The following NRXN1 variants were observed in gnomAD, a reference collection of about 807,000 sequenced individuals.
The protein encoded by NRXN1 is neurexin 1, also known as neurexin-1.
In NRXN1, 39 loss-of-function variants were observed where a neutral mutation model predicts 150.9. That is an observed-to-expected ratio of 0.26 (90% CI 0.20 to 0.34). The LOEUF is 0.34. Among genes scored for constraint, NRXN1 ranks in the 10% least tolerant of loss-of-function variants. The pLI is 1.00. For missense variants in NRXN1, 1,815 were observed against 1,949.9 expected, an observed-to-expected ratio of 0.93 and a Z score of 1.30; for synonymous variants, 924 against 757.0, an observed-to-expected ratio of 1.22 and a Z score of -3.62.
chr2:50,983,772 G>T (rs1457203026), intron 2 of NRXN1, among the ~76,000 whole-genome samples: 1 of 152,054 alleles, frequency 6.6e-6, no homozygotes, highest in Admixed American at 6.6e-5. Context: ...GATGGATCTT[G>T]TCTATGTAAA....
At chr2:50,106,751 C>A (rs78067411) in intron 18 of NRXN1, among the ~76,000 whole-genome samples, 2,050 of 151,778 alleles carry the variant, frequency 0.014, 58 homozygotes, top group African/African-American at 0.047. Flanking sequence ...GCAAAAAAAA[C>A]CCTAAAAGAA....
At chr2:49,947,353 C>T (rs1477498982) in intron 21 of NRXN1, among the ~76,000 whole-genome samples, 1 of 151,958 alleles carries the variant, frequency 6.6e-6, no homozygotes, top group Non-Finnish European at 1.5e-5. Flanking sequence ...CCACCTTTTC[C>T]TTCCTCCACC....
chr2:50,196,479 A>C (rs2152828589), intron 18 of NRXN1, among the ~76,000 whole-genome samples: 1 of 152,208 alleles, frequency 6.6e-6, no homozygotes, highest in African/African-American at 2.4e-5. Context: ...TTCCACACGA[A>C]ATGATTTCCC....
At chr2:50,194,956 C>T (rs1386198667) in intron 18 of NRXN1, among the ~76,000 whole-genome samples, 3 of 151,954 alleles carry the variant, frequency 2.0e-5, no homozygotes, top group Non-Finnish European at 4.4e-5. Context: ...AAAACTTCAC[C>T]CTGTAATAAA....
rs1699519662 is a variant in NRXN1, at chr2:50,997,781, T to G, written c.772+29721A>C. ...GCCTCCACTTCCCAAAATGCTGGGATTACAAGAGTGAGCCATCACATCAGC... is the reference window on the plus strand; with the variant it reads ...GCCTCCACTTCCCAAAATGCTGGGAGTACAAGAGTGAGCCATCACATCAGC... On this transcript the variant is annotated intron_variant, in intron 2 of 22. Transcript: ENST00000401669. Among the ~76,000 whole-genome samples, 3 of 141,908 alleles carry G rather than the reference T, an allele frequency of 2.1e-5. No individual in the cohort carries two copies. The South Asian group carries it at 6.7e-4, about 32-fold the overall frequency. The allele number at this position is 141,908 out of a possible 152,430, so 93.1% of individuals were successfully genotyped here. A position where few individuals can be genotyped will look rare whatever the true frequency, so the allele number is the denominator to read the frequency against.
At chr2:50,745,474 C>A (rs1699915276) in intron 5 of NRXN1, among the ~76,000 whole-genome samples, 1 of 148,922 alleles carries the variant, frequency 6.7e-6, no homozygotes, top group Non-Finnish European at 1.5e-5. Context: ...TGGCATTTTC[C>A]TTTCTGTCTT....
chr2:50,421,499 T>G (rs887892238), intron 17 of NRXN1, among the ~76,000 whole-genome samples: 1 of 152,166 alleles, frequency 6.6e-6, no homozygotes, highest in African/African-American at 2.4e-5. Context: ...GTTACCATTC[T>G]ATTATTTAGA....
chr2:50,688,607 T>C (rs572157020), intron 5 of NRXN1, among the ~76,000 whole-genome samples: 5 of 152,192 alleles, frequency 3.3e-5, no homozygotes, highest in Non-Finnish European at 5.9e-5. Flanking sequence ...GGATTTCTCA[T>C]GTTCTAACAA....
chr2:50,638,647 G>A (rs1683585027), intron 5 of NRXN1, among the ~76,000 whole-genome samples: 1 of 152,068 alleles, frequency 6.6e-6, no homozygotes, highest in East Asian at 1.9e-4. Context: ...GGCTCCAATT[G>A]CTTTTTTTGT....
At chr2:50,433,287 T>C (rs534523521) in intron 17 of NRXN1, among the ~76,000 whole-genome samples, 1 of 152,306 alleles carries the variant, frequency 6.6e-6, no homozygotes, top group Admixed American at 6.5e-5. Context: ...TTGTGTCCAT[T>C]ATTATTTGCA....
At chr2:50,372,147 A>C (rs890008990) in intron 17 of NRXN1, among the ~76,000 whole-genome samples, 5 of 152,008 alleles carry the variant, frequency 3.3e-5, no homozygotes, top group African/African-American at 1.2e-4. Context: ...TATTCTAGTC[A>C]CCACTCTAGA....
intron 2 of NRXN1, among the ~76,000 whole-genome samples, chr2:50,948,443 T>C (rs1690761894): frequency 6.6e-6 from 1 of 152,066 alleles, no homozygotes; most frequent in Non-Finnish European, 1.5e-5. Flanking sequence ...ACTTAAAATA[T>C]ACTGTGCAAG....
intron 5 of NRXN1, among the ~76,000 whole-genome samples, chr2:50,769,797 T>C (rs1350171926): frequency 6.6e-6 from 1 of 151,994 alleles, no homozygotes; most frequent in Non-Finnish European, 1.5e-5. Flanking sequence ...GGGGAAGAAA[T>C]GGGAAATTAA....
intron 17 of NRXN1, among the ~76,000 whole-genome samples, chr2:50,264,882 C>G (rs1196724105): frequency 6.6e-6 from 1 of 152,074 alleles, no homozygotes; most frequent in Non-Finnish European, 1.5e-5. Context: ...ATAATGTCAT[C>G]ACTAGGACCA....
At chr2:50,689,188 A>G (rs1224923323) in intron 5 of NRXN1, among the ~76,000 whole-genome samples, 1 of 152,200 alleles carries the variant, frequency 6.6e-6, no homozygotes, top group African/African-American at 2.4e-5. Flanking sequence ...TTGAAACAAA[A>G]TATCACTGGA....
chr2:50,723,496 A>T (rs932207764), intron 5 of NRXN1, among the ~76,000 whole-genome samples: 3 of 152,226 alleles, frequency 2.0e-5, no homozygotes, highest in African/African-American at 7.2e-5. Flanking sequence ...TTATGTGGAA[A>T]GTCGGGATTA....
intron 17 of NRXN1, among the ~76,000 whole-genome samples, chr2:50,265,957 AT>A (rs2068785259): frequency 6.9e-6 from 1 of 144,956 alleles, no homozygotes; most frequent in Non-Finnish European, 1.5e-5. Context: ...TATTTTATTT[AT>A]TTCTTTGTTA....
At chr2:50,328,589 T>C (rs1297599263) in intron 17 of NRXN1, among the ~76,000 whole-genome samples, 2 of 151,456 alleles carry the variant, frequency 1.3e-5, no homozygotes, top group African/African-American at 4.9e-5. Context: ...CAAAAAAAAA[T>C]AGCTGGCATA....
chr2:50,206,945 C>T (rs1440875776), intron 18 of NRXN1, among the ~76,000 whole-genome samples: 1 of 151,460 alleles, frequency 6.6e-6, no homozygotes, highest in Non-Finnish European at 1.5e-5. Context: ...GAATCCGAAT[C>T]TGAGTACTGC....
Sources: allele counts gnomAD v4.1 joint callset (sites outside exome capture counted in the v4.1 genomes callset), GRCh38; gene constraint gnomAD v4.1.1; transcripts MANE v1.5; gene names NCBI Gene and HGNC (gene_info 2026-07-23, HGNC 2026-07-21).